The following CADM2 variants were observed in gnomAD, a reference collection of about 807,000 sequenced individuals.
CADM2 encodes cell adhesion molecule 2.
CADM2 carries 12 observed loss-of-function variants against 49.8 expected under a neutral mutation model. That is an observed-to-expected ratio of 0.24 (90% CI 0.15 to 0.39). The LOEUF (loss-of-function observed/expected upper bound fraction) is 0.39. CADM2 is among the 10% of genes least tolerant of loss of function. CADM2 has a pLI of 1.00. For missense variants in CADM2, 378 were observed against 492.3 expected (o/e 0.77, Z 2.20); for synonymous variants, 214 against 175.4 (o/e 1.22, Z -1.74).
intron 1 of CADM2, among the ~76,000 whole-genome samples, chr3:85,539,838 T>G (rs2061502255): frequency 1.3e-5 from 2 of 152,192 alleles, no homozygotes; most frequent in South Asian, 4.1e-4. Context: ...AGTGGTGTCG[T>G]TGGATAAAAT....
chr3:85,277,290 C>T (rs962248180), intron 1 of CADM2, among the ~76,000 whole-genome samples: 1 of 151,350 alleles, frequency 6.6e-6, no homozygotes, highest in Non-Finnish European at 1.5e-5. Flanking sequence ...ATAACAAGCT[C>T]AAGGCCATAC....
rs1168511548 is a variant in CADM2, at chr3:85,541,718, T to TTA, written c.62-184792_62-184791dup. Among the ~76,000 whole-genome samples, 91 of 89,408 alleles carry TTA rather than the reference T, an allele frequency of 1.0e-3. 3 individuals carry two copies. The highest frequency in any genetic ancestry group is 7.5e-3 in the Middle Eastern group (1 of 134). 58.7% of individuals were successfully genotyped at this position (89,408 alleles called of 152,430 possible). On this transcript the variant is annotated intron_variant, in intron 1 of 9. Transcript: ENST00000383699. ...AATTAAATTATATATATATTTTATA[T>TTA]TATATATATATATTTTATATATATA...
At position 85,853,733 on chromosome 3, in the gene CADM2, G is replaced by C. The variant is rs569075888; in HGVS notation, c.239-29558G>C. 8.6e-5 allele frequency among the ~76,000 whole-genome samples: 13 copies of C among 151,254 alleles called. No individual in the cohort carries two copies. In the South Asian group the frequency reaches 2.7e-3, roughly 31 times the overall value. ...AGAAATCATGAGAAAATAAACAATAGTTTATTTAGATCTCTTTAATAGAAA... is the reference window on the plus strand; with the variant it reads ...AGAAATCATGAGAAAATAAACAATACTTTATTTAGATCTCTTTAATAGAAA... On this transcript the variant is annotated intron_variant, in intron 3 of 9. Coordinates refer to ENST00000383699, the MANE Select transcript of CADM2 (RefSeq NM_001167675.2).
chr3:86,004,845 A>G (rs1730588412), intron 8 of CADM2, among the ~76,000 whole-genome samples: 1 of 152,154 alleles, frequency 6.6e-6, no homozygotes, highest in South Asian at 2.1e-4. Context: ...GTAACTTCCT[A>G]CCTGGGCATT....
At chr3:85,124,589 C>A (rs756046545) in intron 1 of CADM2, among the ~76,000 whole-genome samples, 1 of 152,034 alleles carries the variant, frequency 6.6e-6, no homozygotes, top group Non-Finnish European at 1.5e-5. Flanking sequence ...GCTAACAGTG[C>A]TAGATATTGT....
intron 1 of CADM2, among the ~76,000 whole-genome samples, chr3:85,397,363 C>A (rs1429713477): frequency 6.6e-6 from 1 of 152,048 alleles, no homozygotes; most frequent in African/African-American, 2.4e-5. Flanking sequence ...ATTATATGAT[C>A]CAGAATTATG....
chr3:85,199,326 ACTCT>A (rs981008073), intron 1 of CADM2, among the ~76,000 whole-genome samples: 4 of 100,942 alleles, frequency 4.0e-5, no homozygotes, highest in African/African-American at 1.5e-4. Context: ...TTCTGATGTA[ACTCT>A]CTTTGTGTGT....
At position 85,844,762 on chromosome 3, in the gene CADM2, A is replaced by C. The variant is rs2074800751; in HGVS notation, c.239-38529A>C. Among the ~76,000 whole-genome samples the C allele has an allele frequency of 2.0e-5, 3 of 151,870 alleles. No individual in the cohort carries two copies. In the South Asian group the frequency reaches 6.2e-4, roughly 31 times the overall value. On this transcript the variant is annotated intron_variant, in intron 3 of 9. Transcript: ENST00000383699. ...TGTATACCATATGTAACGAGTGTACACACACACACATATTGCATTCGGAGC... is the reference window on the plus strand; with the variant it reads ...TGTATACCATATGTAACGAGTGTACCCACACACACATATTGCATTCGGAGC...
chr3:85,861,104 T>G (rs2075514923), intron 3 of CADM2, among the ~76,000 whole-genome samples: 1 of 152,144 alleles, frequency 6.6e-6, no homozygotes, highest in South Asian at 2.1e-4. Context: ...TGAAAGTGTC[T>G]GAGCATAAGC....
chr3:85,316,662 A>G (rs2044472280), intron 1 of CADM2, among the ~76,000 whole-genome samples: 1 of 152,146 alleles, frequency 6.6e-6, no homozygotes, highest in East Asian at 1.9e-4. Context: ...AATTTTGAAC[A>G]TATATGCCAA....
At chr3:86,034,473 AC>A (rs1454986654) in intron 8 of CADM2, among the ~76,000 whole-genome samples, 1 of 151,986 alleles carries the variant, frequency 6.6e-6, no homozygotes, top group Non-Finnish European at 1.5e-5. Context: ...TCTTCACCAC[AC>A]ACTAACTCTG....
At chr3:84,985,719 A>AT in intron 1 of CADM2, among the ~76,000 whole-genome samples, 1 of 152,272 alleles carries the variant, frequency 6.6e-6, no homozygotes, top group African/African-American at 2.4e-5. Context: ...TTTCTGTAAT[A>AT]TTTTTTGCTC....
chr3:85,618,746 ATTT>A (rs1185648097), intron 1 of CADM2, among the ~76,000 whole-genome samples: 1 of 152,022 alleles, frequency 6.6e-6, no homozygotes, highest in Admixed American at 6.6e-5. Flanking sequence ...ATTTATTTTT[ATTT>A]TTTATCATAA....
intron 1 of CADM2, among the ~76,000 whole-genome samples, chr3:85,351,284 T>G (rs911663484): frequency 3.3e-5 from 5 of 152,186 alleles, no homozygotes; most frequent in Non-Finnish European, 7.3e-5. Context: ...CTGGTATCGC[T>G]TACCATAGTG....
chr3:85,205,881 A>G (rs560916218), intron 1 of CADM2, among the ~76,000 whole-genome samples: 23 of 152,224 alleles, frequency 1.5e-4, no homozygotes, highest in African/African-American at 5.1e-4. Flanking sequence ...ATGATATTGA[A>G]TCTCCATAGT....
At chr3:85,192,020 A>G (rs2041221612) in intron 1 of CADM2, among the ~76,000 whole-genome samples, 1 of 151,790 alleles carries the variant, frequency 6.6e-6, no homozygotes, top group Non-Finnish European at 1.5e-5. Context: ...ACAATGTCTC[A>G]TAAACTCAGT....
At chr3:85,195,822 G>A (rs1335959481) in intron 1 of CADM2, among the ~76,000 whole-genome samples, 1 of 151,708 alleles carries the variant, frequency 6.6e-6, no homozygotes, top group Non-Finnish European at 1.5e-5. Flanking sequence ...CTAAAATAGT[G>A]TTTTATTTAT....
rs149387923 is a variant in CADM2 at position 85,968,193 on chromosome 3, C to T, written c.970+6546C>T. Among the ~76,000 whole-genome samples, 14 of 151,634 alleles carry T rather than the reference C, an allele frequency of 9.2e-5. No individual in the cohort carries two copies. In the East Asian group the frequency reaches 2.7e-3, roughly 30 times the overall value. On this transcript the variant is annotated intron_variant, in intron 8 of 9. Transcript: ENST00000383699. ...ATCTTCTTTAATCGCTGAGATAAAACGCTATCATTTCTGGACATGAATAAG... is the reference window on the plus strand; with the variant it reads ...ATCTTCTTTAATCGCTGAGATAAAATGCTATCATTTCTGGACATGAATAAG...
intron 6 of CADM2, among the ~76,000 whole-genome samples, chr3:85,928,721 A>G (rs1260383048): frequency 6.6e-6 from 1 of 152,282 alleles, no homozygotes; most frequent in Non-Finnish European, 1.5e-5. Flanking sequence ...TTTGTTAATG[A>G]TTGAATATAT....
Sources: allele counts gnomAD v4.1 joint callset (sites outside exome capture counted in the v4.1 genomes callset), GRCh38; gene constraint gnomAD v4.1.1; transcripts MANE v1.5; gene names NCBI Gene and HGNC (gene_info 2026-07-23, HGNC 2026-07-21).